Variants in TTC23L observed in about 807,000 individuals in gnomAD.
TTC23L encodes tetratricopeptide repeat protein 23-like.
In TTC23L, 42 loss-of-function variants were observed where a neutral mutation model predicts 48.1. The observed-to-expected ratio is 0.87, with a 90% CI of 0.68 to 1.13. The LOEUF is 1.13. Among genes scored for constraint, TTC23L ranks in the 50% most tolerant of loss-of-function variants. The pLI is 0.00. For synonymous variants in TTC23L, 159 were observed against 157.2 expected, an observed-to-expected ratio of 1.01 and a Z score of -0.09; for missense variants, 391 against 421.0, an observed-to-expected ratio of 0.93 and a Z score of 0.62.
the TTC23L span, chr5:34,914,586 G>A: frequency 9.3e-6 from 9 of 965,564 alleles, no homozygotes; most frequent in Non-Finnish European, 9.5e-6. Context: ...TATGACTATT[G>A]ACAAGTTATT....
At chr5:34,925,646 T>C in the TTC23L span, 1 of 627,896 alleles carries the variant, frequency 1.6e-6, no homozygotes, top group African/African-American at 1.9e-5. Context: ...GTGATTATCT[T>C]TTTCTAAATA....
the TTC23L span, chr5:34,925,202 CT>C: frequency 6.8e-7 from 1 of 1,474,374 alleles, no homozygotes; most frequent in Non-Finnish European, 9.1e-7. Flanking sequence ...TCAAAAGCAT[CT>C]AATCTTTTTT....
chr5:34,920,281 T>G, the TTC23L span: 1 of 153,074 alleles, frequency 6.5e-6, no homozygotes, highest in African/African-American at 2.4e-5. Flanking sequence ...AAAAGTGATT[T>G]GTGTGGAACT....
downstream of TTC23L, among the ~76,000 whole-genome samples, chr5:34,901,082 AATAG>A (rs1399539805): frequency 6.6e-6 from 1 of 152,216 alleles, no homozygotes; most frequent in East Asian, 1.9e-4. Context: ...AGCTTTTTAT[AATAG>A]ATTTGTGCAT....
At chr5:34,880,441 A>ATTCT (rs1396252597) in intron 9 of TTC23L, 133 bp downstream of exon 9, 2 of 970,060 alleles carry the variant, frequency 2.1e-6, no homozygotes, top group African/African-American at 3.3e-5. Flanking sequence ...ACATTGTTTC[A>ATTCT]TTCTTTGCTA....
chr5:34,925,462 G>A, the TTC23L span: 1 of 1,613,626 alleles, frequency 6.2e-7, no homozygotes, highest in Non-Finnish European at 8.5e-7. Context: ...AAAGAAAAAT[G>A]AAACAGAGGA....
chr5:34,915,636 G>T, the TTC23L span: 2 of 1,387,676 alleles, frequency 1.4e-6, no homozygotes, highest in East Asian at 2.6e-5. Flanking sequence ...CCTGGAGGAC[G>T]ACCGCGGAGC....
intron 8 of TTC23L, among the ~76,000 whole-genome samples, chr5:34,872,207 G>C (rs1451359228): frequency 1.3e-5 from 2 of 152,092 alleles, no homozygotes; most frequent in East Asian, 1.9e-4. Flanking sequence ...AGGATTGCTT[G>C]AGTTAAGGGT....
chr5:34,911,722 T>C, the TTC23L span: 1 of 1,614,160 alleles, frequency 6.2e-7, no homozygotes, highest in Non-Finnish European at 8.5e-7. Flanking sequence ...TGTATTGATT[T>C]TGCAGACTGT....
intron 4 of TTC23L, chr5:34,860,745 T>C (rs1423810396): frequency 4.6e-5 from 7 of 152,300 alleles, no homozygotes; most frequent in African/African-American, 1.7e-4. Flanking sequence ...ATTTTTGCAG[T>C]TTTTAATGAA....
rs188951378 is a variant in TTC23L, at chr5:34,899,131, A to T, written c.*98-259A>T. 4.3e-3 allele frequency among the ~76,000 whole-genome samples: 648 copies of T among 152,324 alleles called. 6 individuals are homozygous for T. The highest frequency in any genetic ancestry group is 6.4e-3 in the Non-Finnish European group (436 of 68,036). On this transcript the variant is annotated intron_variant, in intron 10 of 10. Transcript: ENST00000505624. ...TCAAATATCCCTGGTTTGCCATCTG[A>T]ATCAAGGGAAGAGCTCCCTGCTGTT...
rs1235766409 is a variant in TTC23L at position 34,850,181 on chromosome 5, A to T, written c.256-4A>T. 5.6e-6 allele frequency: 9 copies of T among 1,613,746 alleles called. No homozygotes were observed. In the South Asian group the frequency reaches 7.7e-5, roughly 14 times the overall value. ...AAAAGTATAATCACTTCTGTACTCT[A>T]CAGAATACTCAAGCAAACAAGGAGC... On this transcript the variant is annotated splice_region_variant and splice_polypyrimidine_tract_variant and intron_variant, in intron 3 of 10. Coordinates refer to ENST00000505624, the Ensembl canonical transcript of TTC23L.
At chr5:34,917,301 T>C in the TTC23L span, among the ~76,000 whole-genome samples, 2 of 152,196 alleles carry the variant, frequency 1.3e-5, no homozygotes, top group Non-Finnish European at 2.9e-5. Flanking sequence ...TTGAACTTTG[T>C]TTAGAAAACT....
rs1472441174 is a variant in TTC23L at position 34,849,752 on chromosome 5, T to C, written c.256-433T>C. Among the ~76,000 whole-genome samples the C allele has an allele frequency of 3.3e-5, 5 of 152,192 alleles. No homozygotes were observed. In the East Asian group the frequency reaches 9.6e-4, roughly 29 times the overall value. Reference sequence around the variant, plus strand: ...GGTGAGGATGGGTGGATGAGGGGTCTAGATATGAAACAAGATTGGCCAGGA... The same window carrying C: ...GGTGAGGATGGGTGGATGAGGGGTCCAGATATGAAACAAGATTGGCCAGGA... On this transcript the variant is annotated intron_variant, in intron 3 of 10. Transcript: ENST00000505624.
chr5:34,925,173 T>TA, the TTC23L span: 6 of 1,494,148 alleles, frequency 4.0e-6, no homozygotes, highest in East Asian at 1.5e-4. Flanking sequence ...TTGCCTTATA[T>TA]AAAATGTTTA....
intron 8 of TTC23L, among the ~76,000 whole-genome samples, chr5:34,872,337 A>G (rs1357252015): frequency 6.6e-6 from 1 of 152,218 alleles, no homozygotes; most frequent in Non-Finnish European, 1.5e-5. Context: ...AAATCATACT[A>G]GTAATTACAA....
chr5:34,909,252 A>C, the TTC23L span: 1 of 1,582,880 alleles, frequency 6.3e-7, no homozygotes, highest in Non-Finnish European at 8.7e-7. Flanking sequence ...TATATTAAGA[A>C]CTGACCTGTT....
At position 34,875,536 on chromosome 5, in the gene TTC23L, C is replaced by A. The variant is rs371881311; in HGVS notation, c.950-4645C>A. Among the ~76,000 whole-genome samples, 31 of 152,118 alleles carry A rather than the reference C, an allele frequency of 2.0e-4. 1 individual carries two copies. Among genetic ancestry groups the A allele is most frequent in the East Asian group, 1.6e-3 (8 of 5,152 alleles). On this transcript the variant is annotated intron_variant, in intron 8 of 10. Transcript: ENST00000505624. ...ATTCTCCTGCTTGCTTTTATCCTAGCCACAGTGGCAGCTGATTAGATTGTA... is the reference window on the plus strand; with the variant it reads ...ATTCTCCTGCTTGCTTTTATCCTAGACACAGTGGCAGCTGATTAGATTGTA...
At chr5:34,886,458 T>C (rs1183368154) in intron 9 of TTC23L, among the ~76,000 whole-genome samples, 3 of 151,314 alleles carry the variant, frequency 2.0e-5, no homozygotes, top group Admixed American at 1.3e-4. Context: ...ACAGTGACTA[T>C]AGCAAAAATG....
Sources: gnomAD v4.1 joint callset for allele counts (sites outside exome capture counted in the v4.1 genomes callset) on GRCh38, gnomAD v4.1.1 for gene constraint, MANE v1.5 for transcripts, NCBI Gene and HGNC (gene_info 2026-07-23, HGNC 2026-07-21) for gene names.